Variants in TMEM38B observed in about 807,000 individuals in gnomAD.
TMEM38B encodes the protein transmembrane protein 38B.
Under a neutral mutation model 28.7 loss-of-function variants are expected in TMEM38B, and 24 were observed. The ratio of observed to expected loss-of-function variants is 0.84; its 90% CI spans 0.61 to 1.18. The LOEUF (loss-of-function observed/expected upper bound fraction) is 1.18, where lower values mean the gene tolerates loss of function less well. TMEM38B is among the 50% of genes most tolerant of loss of function. The pLI is 0.00. For synonymous variants in TMEM38B, 131 were observed against 127.7 expected (o/e 1.03, Z -0.17); for missense variants, 380 against 350.9 (o/e 1.08, Z -0.66).
chr9:105,727,159 T>C (rs951874692), intron 4 of TMEM38B, among the ~76,000 whole-genome samples: 2 of 152,174 alleles, frequency 1.3e-5, no homozygotes, highest in African/African-American at 2.4e-5. Context: ...ATTAGATCTT[T>C]AGACTTGTTC....
chr9:105,721,680 A>C lies in TMEM38B; in HGVS notation c.413A>C (p.Lys138Thr). 2 of 1,613,338 alleles carry C rather than the reference A, an allele frequency of 1.2e-6. No individual in the cohort carries two copies. Among genetic ancestry groups the C allele is most frequent in the Non-Finnish European group, 1.7e-6 (2 of 1,179,574 alleles). ...GGVTHANSYY[K>T]NGWIVMIAIG... ...GTCACACATGCTAATAGCTATTACAAAAATGGCTGGATAGTCATGATAGCT... is the reference window on the plus strand; with the variant it reads ...GTCACACATGCTAATAGCTATTACACAAATGGCTGGATAGTCATGATAGCT... Residue 138 changes from lysine (K) to threonine (T), a missense_variant, in exon 3 of 6, where the codon AAA (lysine) becomes ACA (threonine). Physicochemically the swap from Lys to Thr is moderately conservative, Grantham distance 78. Coordinates refer to ENST00000374692, the MANE Select transcript of TMEM38B (RefSeq NM_018112.3).
chr9:105,698,637 C>A (rs778336004), intron 1 of TMEM38B, among the ~76,000 whole-genome samples: 3 of 152,048 alleles, frequency 2.0e-5, no homozygotes, highest in Non-Finnish European at 4.4e-5. Flanking sequence ...GGCAGTACTT[C>A]ATGTAAAATT....
At chr9:105,762,823 G>T (rs1399236198) in intron 5 of TMEM38B, among the ~76,000 whole-genome samples, 1 of 149,834 alleles carries the variant, frequency 6.7e-6, no homozygotes, top group Non-Finnish European at 1.5e-5. Flanking sequence ...GATCCCTGAG[G>T]AATGGCCACA....
intron 1 of TMEM38B, 126 bp from the exon 2 acceptor site, chr9:105,705,471 C>T (rs937683107): frequency 3.9e-5 from 35 of 908,124 alleles, no homozygotes; most frequent in Admixed American, 5.6e-5. Context: ...GACTGGCACA[C>T]CTATGAATAA....
intron 5 of TMEM38B, among the ~76,000 whole-genome samples, chr9:105,763,178 G>A (rs889218710): frequency 1.4e-4 from 21 of 151,724 alleles, no homozygotes; most frequent in African/African-American, 4.8e-4. Context: ...AGATGAGTAG[G>A]TTGTGAAAAT....
At chr9:105,717,719 A>G (rs939087151) in intron 2 of TMEM38B, among the ~76,000 whole-genome samples, 18 of 152,214 alleles carry the variant, frequency 1.2e-4, no homozygotes, top group African/African-American at 4.3e-4. Context: ...GTTTGTTTGT[A>G]TGTAGCTGTA....
At chr9:105,695,322 C>T (rs1835252613) in intron 1 of TMEM38B, among the ~76,000 whole-genome samples, 1 of 152,314 alleles carries the variant, frequency 6.6e-6, no homozygotes, top group Middle Eastern at 3.4e-3. Flanking sequence ...AACAAAAAGC[C>T]TCCTGTAGCC....
At chr9:105,752,459 C>T (rs1262619030) in intron 5 of TMEM38B, among the ~76,000 whole-genome samples, 2 of 152,158 alleles carry the variant, frequency 1.3e-5, no homozygotes, top group African/African-American at 4.8e-5. Flanking sequence ...GGCAGAGCTT[C>T]CAGAGGAAGG....
intron 4 of TMEM38B, among the ~76,000 whole-genome samples, chr9:105,735,920 G>A (rs1476283482): frequency 6.6e-6 from 1 of 152,170 alleles, no homozygotes; most frequent in Non-Finnish European, 1.5e-5. Flanking sequence ...AAGCTGGAGT[G>A]CAGTGGCATG....
At chr9:105,760,247 C>A in intron 5 of TMEM38B, 1 of 815,798 alleles carries the variant, frequency 1.2e-6, no homozygotes, top group South Asian at 1.3e-5. Context: ...GGCATGAAAT[C>A]ACCGATGATA....
At chr9:105,711,302 G>T (rs57269713) in intron 2 of TMEM38B, among the ~76,000 whole-genome samples, 1 of 151,722 alleles carries the variant, frequency 6.6e-6, no homozygotes, top group African/African-American at 2.4e-5. Flanking sequence ...TTAGCTGAGC[G>T]TGGTGGCCTG....
At chr9:105,732,937 A>G (rs930780039) in intron 4 of TMEM38B, among the ~76,000 whole-genome samples, 2 of 152,212 alleles carry the variant, frequency 1.3e-5, no homozygotes, top group Admixed American at 1.3e-4. Flanking sequence ...CTTCCTGTCC[A>G]TGAGCATGGA....
At chr9:105,769,490 A>AT (rs1826476585) in intron 5 of TMEM38B, among the ~76,000 whole-genome samples, 1 of 151,910 alleles carries the variant, frequency 6.6e-6, no homozygotes, top group Non-Finnish European at 1.5e-5. Context: ...TAATTTTTGT[A>AT]TTTTTTGTAC....
intron 4 of TMEM38B, among the ~76,000 whole-genome samples, chr9:105,732,175 T>G (rs1407612761): frequency 6.6e-6 from 1 of 152,184 alleles, no homozygotes; most frequent in Non-Finnish European, 1.5e-5. Flanking sequence ...TTCTTGTAAA[T>G]TTGTTTAAGT....
chr9:105,774,277 G>A lies in TMEM38B; in HGVS notation c.*197G>A, dbSNP rs1027752573. On this transcript the variant is annotated 3_prime_UTR_variant, in exon 6 of 6. Transcript: ENST00000374692. ...TTGTAGAGTGTTACGAGTGTATCAT[G>A]TGATTATGCTTTACCGGTATAAGAG... 1.2e-5 allele frequency: 6 copies of A among 518,918 alleles called. No homozygotes were observed. Among genetic ancestry groups the A allele is most frequent in the African/African-American group, 9.6e-5 (5 of 52,050 alleles). The allele number at this position is 518,918 out of a possible 1,614,324, so 32.1% of individuals were successfully genotyped here.
chr9:105,758,794 A>G (rs753372531), intron 5 of TMEM38B: 82 of 846,490 alleles, frequency 9.7e-5, no homozygotes, highest in Non-Finnish European at 1.6e-4. Flanking sequence ...CATTTATCTC[A>G]GGAAAATTCC....
rs117034396 is a variant in TMEM38B, at chr9:105,732,064, T to C, written c.542+9443T>C. Among the ~76,000 whole-genome samples, 617 of 152,350 alleles carry C rather than the reference T, an allele frequency of 4.0e-3. 3 individuals carry two copies. The highest frequency in any genetic ancestry group is 6.8e-3 in the Non-Finnish European group (462 of 68,026). On this transcript the variant is annotated intron_variant, in intron 4 of 5. Coordinates refer to ENST00000374692, the MANE Select transcript of TMEM38B (RefSeq NM_018112.3). ...GCATTTCTCTCATGACCAGTAGTGA[T>C]GAGCATTTTTTCATATGTCTGTTGG...
At chr9:105,733,439 G>C (rs115308371) in intron 4 of TMEM38B, among the ~76,000 whole-genome samples, 1 of 110,062 alleles carries the variant, frequency 9.1e-6, no homozygotes, top group East Asian at 4.8e-4. Flanking sequence ...TTTTTTTTGC[G>C]GTGTCTTTGT....
At chr9:105,768,908 A>G (rs972990913) in intron 5 of TMEM38B, among the ~76,000 whole-genome samples, 2 of 152,040 alleles carry the variant, frequency 1.3e-5, no homozygotes, top group African/African-American at 4.8e-5. Context: ...GGTCTTTTTT[A>G]TATCCTTCCT....
Sources: allele counts gnomAD v4.1 joint callset (sites outside exome capture counted in the v4.1 genomes callset), GRCh38; gene constraint gnomAD v4.1.1; transcripts MANE v1.5; gene names NCBI Gene and HGNC (gene_info 2026-07-23, HGNC 2026-07-21).